CENPP: variants seen among roughly 807,000 people sequenced by gnomAD.
CENPP encodes centromere protein P.
A neutral mutation model predicts 35.6 loss-of-function variants in CENPP; 24 were observed. The ratio of observed to expected loss-of-function variants is 0.67; its 90% CI spans 0.49 to 0.95. The LOEUF (loss-of-function observed/expected upper bound fraction) is 0.95. Among genes scored for constraint, CENPP ranks in the 40% least tolerant of loss-of-function variants. CENPP has a pLI of 0.00. For synonymous variants in CENPP, 120 were observed against 125.5 expected (o/e 0.96, Z 0.29); for missense variants, 332 against 345.3 (o/e 0.96, Z 0.31).
In CENPP at chr9:92,561,102, A is replaced by C. The variant is rs111844117; in HGVS notation, c.565-50212A>C. 1.1e-4 allele frequency among the ~76,000 whole-genome samples: 17 copies of C among 152,106 alleles called. No individual in the cohort carries two copies. The East Asian group carries it at 1.4e-3, about 12-fold the overall frequency. On this transcript the variant is annotated intron_variant, in intron 5 of 7. Coordinates refer to ENST00000375587, the MANE Select transcript of CENPP (RefSeq NM_001012267.3). ...TAAGTAAGCATAAATTAGCACCTCC[A>C]TTAATCACATTGCTTTAATATATGC...
chr9:92,403,362 G>A, intron 5 of CENPP: 1 of 1,613,304 alleles, frequency 6.2e-7, no homozygotes, highest in Non-Finnish European at 8.5e-7. Context: ...GGCTTTATCA[G>A]AGGCACAAGC....
At chr9:92,591,681 T>G (rs1294866688) in intron 5 of CENPP, among the ~76,000 whole-genome samples, 1 of 152,096 alleles carries the variant, frequency 6.6e-6, no homozygotes, top group African/African-American at 2.4e-5. Flanking sequence ...TTATGGTCAC[T>G]GTTCTCTAGG....
intron 2 of CENPP, among the ~76,000 whole-genome samples, chr9:92,334,750 T>C (rs933272559): frequency 9.3e-5 from 14 of 150,058 alleles, no homozygotes; most frequent in African/African-American, 3.4e-4. Flanking sequence ...CATGGTGGAG[T>C]GTTCCTGTAG....
rs148460939 is a variant in CENPP, at chr9:92,604,890, G to A, written c.565-6424G>A. Among the ~76,000 whole-genome samples the A allele has an allele frequency of 4.8e-4, 73 of 152,004 alleles. No homozygotes were observed. The East Asian group carries it at 0.012, about 26-fold the overall frequency. On this transcript the variant is annotated intron_variant, in intron 5 of 7. Transcript: ENST00000375587. Reference sequence around the variant, plus strand: ...ATTACAAGCATGAGCCACCACACCCGGCCTGCATTTTTATTTAAGAAATCT... The same window carrying A: ...ATTACAAGCATGAGCCACCACACCCAGCCTGCATTTTTATTTAAGAAATCT...
rs563172714 is a variant in CENPP at position 92,443,753 on chromosome 9, T to C, written c.564+63894T>C. ...CGGCTCACTGCGACCTCCACCTCCCTGGTTCAATCAATTCCCCTGCCTCAG... is the reference window on the plus strand; with the variant it reads ...CGGCTCACTGCGACCTCCACCTCCCCGGTTCAATCAATTCCCCTGCCTCAG... On this transcript the variant is annotated intron_variant, in intron 5 of 7. Transcript: ENST00000375587. Among the ~76,000 whole-genome samples the C allele has an allele frequency of 9.9e-5, 15 of 152,048 alleles. 1 individual carries two copies. Among genetic ancestry groups the C allele is most frequent in the African/African-American group, 2.9e-4 (12 of 41,474 alleles).
intron 5 of CENPP, among the ~76,000 whole-genome samples, chr9:92,551,647 T>C (rs987831267): frequency 1.3e-5 from 2 of 151,958 alleles, no homozygotes; most frequent in African/African-American, 4.8e-5. Context: ...CTGCACCCTA[T>C]TTGTTGTCTT....
intron 5 of CENPP, among the ~76,000 whole-genome samples, chr9:92,592,118 T>C (rs1850678676): frequency 6.6e-6 from 1 of 152,162 alleles, no homozygotes; most frequent in Non-Finnish European, 1.5e-5. Flanking sequence ...TATACACTTA[T>C]ACATGTATAA....
intron 5 of CENPP, among the ~76,000 whole-genome samples, chr9:92,423,665 T>G (rs1005823727): frequency 1.3e-5 from 2 of 152,138 alleles, no homozygotes; most frequent in African/African-American, 4.8e-5. Flanking sequence ...GATCCTTCAA[T>G]AGACTAGATA....
intron 1 of CENPP, among the ~76,000 whole-genome samples, chr9:92,330,258 T>C (rs1004637254): frequency 3.3e-5 from 5 of 152,204 alleles, no homozygotes. Flanking sequence ...TAGGGTAATT[T>C]AGAGGAAAAG....
At chr9:92,395,463 T>A (rs1191581239) in intron 5 of CENPP, among the ~76,000 whole-genome samples, 1 of 152,226 alleles carries the variant, frequency 6.6e-6, no homozygotes, top group South Asian at 2.1e-4. Context: ...TTTCACTATT[T>A]CAAAGAAATT....
intron 4 of CENPP, among the ~76,000 whole-genome samples, chr9:92,348,815 G>A (rs1040008351): frequency 6.6e-6 from 1 of 152,160 alleles, no homozygotes; most frequent in African/African-American, 2.4e-5. Context: ...AGAATTCTGA[G>A]TAGACAGGTT....
intron 5 of CENPP, among the ~76,000 whole-genome samples, chr9:92,528,357 C>T (rs1345680775): frequency 6.6e-6 from 1 of 152,004 alleles, no homozygotes; most frequent in African/African-American, 2.4e-5. Flanking sequence ...TGAAAAGATA[C>T]AGCTGGAAAT....
intron 5 of CENPP, among the ~76,000 whole-genome samples, chr9:92,507,280 C>T (rs1847063229): frequency 6.6e-6 from 1 of 152,198 alleles, no homozygotes; most frequent in Non-Finnish European, 1.5e-5. Context: ...TATTCTCTTT[C>T]ATTTCCAAAA....
rs181968822 is a variant in CENPP at position 92,354,778 on chromosome 9, A to G, written c.467+8991A>G. 1.2e-3 allele frequency among the ~76,000 whole-genome samples: 185 copies of G among 152,246 alleles called. 1 individual carries two copies. The highest frequency in any genetic ancestry group is 1.7e-3 in the Non-Finnish European group (115 of 68,008). ...CAATATTTCAGCATAGGTTCTTTCT[A>G]TTTTCCATAAGTGTCGGCTGGCTGA... On this transcript the variant is annotated intron_variant, in intron 4 of 7. Transcript: ENST00000375587.
chr9:92,512,540 C>CATGA lies in CENPP; in HGVS notation c.565-98770_565-98767dup, dbSNP rs1289904147. 6.6e-5 allele frequency among the ~76,000 whole-genome samples: 10 copies of CATGA among 152,124 alleles called. No individual in the cohort carries two copies. In the East Asian group the frequency reaches 1.9e-3, roughly 29 times the overall value. ...CTAGAAACATGCCTCTGTTTTTGTCCATGAATGCTCATGCCAATCACTCAC... is the reference window on the plus strand; with the variant it reads ...CTAGAAACATGCCTCTGTTTTTGTCCATGAATGAATGCTCATGCCAATCACTCAC... On this transcript the variant is annotated intron_variant, in intron 5 of 7. Transcript: ENST00000375587.
chr9:92,557,401 TC>T (rs1333321307), intron 5 of CENPP, among the ~76,000 whole-genome samples: 3 of 152,218 alleles, frequency 2.0e-5, no homozygotes, highest in Non-Finnish European at 4.4e-5. Context: ...CCTCAATTAT[TC>T]CCCCAAATAT....
chr9:92,471,801 G>GGATGT (rs1229396415), intron 5 of CENPP, among the ~76,000 whole-genome samples: 8 of 151,820 alleles, frequency 5.3e-5, no homozygotes, highest in Admixed American at 4.6e-4. Flanking sequence ...CGAGTAGCTA[G>GGATGT]GATGTGTACC....
intron 5 of CENPP, among the ~76,000 whole-genome samples, chr9:92,419,544 C>T (rs370261009): frequency 6.6e-6 from 1 of 152,086 alleles, no homozygotes; most frequent in Admixed American, 6.6e-5. Flanking sequence ...CATGATCCAC[C>T]CACCTTGGGC....
chr9:92,392,976 T>G, intron 5 of CENPP: 1 of 797,872 alleles, frequency 1.3e-6, no homozygotes, highest in Non-Finnish European at 1.9e-6. Flanking sequence ...TTTATGTACT[T>G]CAAGTGACAA....
Sources: allele counts gnomAD v4.1 joint callset (sites outside exome capture counted in the v4.1 genomes callset), GRCh38; gene constraint gnomAD v4.1.1; transcripts MANE v1.5; gene names NCBI Gene and HGNC (gene_info 2026-07-23, HGNC 2026-07-21).